Variants in KCNT2 observed in about 807,000 individuals in gnomAD.
The protein encoded by KCNT2 is potassium channel subfamily T member 2.
KCNT2 carries 67 observed loss-of-function variants against 153.8 expected under a neutral mutation model. The ratio of observed to expected loss-of-function variants is 0.44; its 90% CI spans 0.36 to 0.53. The LOEUF is 0.53. Ranked by LOEUF, KCNT2 falls within the 20% of genes least tolerant of loss-of-function variation. The pLI is 0.00. For synonymous variants in KCNT2, 500 were observed against 458.8 expected (o/e 1.09, Z -1.15); for missense variants, 975 against 1,354.8 (o/e 0.72, Z 4.40).
intron 10 of KCNT2, 142 bp from the exon 11 acceptor site, chr1:196,426,130 C>G (rs1247318632): frequency 2.2e-5 from 14 of 625,870 alleles, no homozygotes; most frequent in Non-Finnish European, 3.8e-5. Context: ...CATTTAAAAC[C>G]TGGACATATA....
intron 26 of KCNT2, among the ~76,000 whole-genome samples, chr1:196,252,503 A>C (rs1656066415): frequency 2.0e-5 from 3 of 151,790 alleles, no homozygotes; most frequent in Non-Finnish European, 4.4e-5. Context: ...ATGTAGTAGA[A>C]CAACCTTACT....
chr1:196,575,944 C>T (rs1235409474), intron 1 of KCNT2, among the ~76,000 whole-genome samples: 5 of 148,202 alleles, frequency 3.4e-5, no homozygotes, highest in Non-Finnish European at 7.4e-5. Context: ...TGCCACTGCA[C>T]TCCAGCCCAG....
chr1:196,252,177 T>C (rs765810506), intron 26 of KCNT2, among the ~76,000 whole-genome samples: 1 of 151,844 alleles, frequency 6.6e-6, no homozygotes, highest in Non-Finnish European at 1.5e-5. Context: ...TTCCATTTTA[T>C]TTGCACTATT....
intron 1 of KCNT2, among the ~76,000 whole-genome samples, chr1:196,577,755 G>C (rs1001896562): frequency 1.3e-5 from 2 of 152,006 alleles, no homozygotes; most frequent in African/African-American, 4.8e-5. Context: ...CATTGCTCTG[G>C]TACTGCCTAA....
intron 13 of KCNT2, among the ~76,000 whole-genome samples, chr1:196,385,918 C>T (rs188249005): frequency 2.0e-5 from 3 of 152,114 alleles, no homozygotes; most frequent in Admixed American, 1.3e-4. Context: ...TTCCCTCCTA[C>T]ATAGCAGAAT....
intron 1 of KCNT2, among the ~76,000 whole-genome samples, chr1:196,528,049 A>G (rs1654472133): frequency 1.3e-5 from 2 of 152,230 alleles, no homozygotes; most frequent in Admixed American, 1.3e-4. Flanking sequence ...AATCAGTGCT[A>G]TAGAACAATG....
At chr1:196,402,598 A>C (rs1432598039) in intron 12 of KCNT2, among the ~76,000 whole-genome samples, 1 of 151,630 alleles carries the variant, frequency 6.6e-6, no homozygotes, top group Non-Finnish European at 1.5e-5. Flanking sequence ...AAAATGTGGG[A>C]AAGGAAAAAC....
At chr1:196,320,707 T>C (rs554986039) in intron 19 of KCNT2, among the ~76,000 whole-genome samples, 6 of 147,998 alleles carry the variant, frequency 4.1e-5, no homozygotes, top group African/African-American at 1.5e-4. Flanking sequence ...CAGCAAAACA[T>C]TTAAAGAAAA....
intron 3 of KCNT2, among the ~76,000 whole-genome samples, chr1:196,485,845 G>T (rs964178285): frequency 1.3e-5 from 2 of 151,758 alleles, no homozygotes; most frequent in South Asian, 2.1e-4. Flanking sequence ...CTGCACATTC[G>T]TAGATAACCT....
intron 1 of KCNT2, among the ~76,000 whole-genome samples, chr1:196,501,220 G>T (rs1361175323): frequency 6.6e-6 from 1 of 152,132 alleles, no homozygotes; most frequent in Non-Finnish European, 1.5e-5. Context: ...CAAAGGGAAA[G>T]AAGTCATTTA....
At chr1:196,351,779 T>C (rs1666725408) in intron 14 of KCNT2, among the ~76,000 whole-genome samples, 1 of 152,212 alleles carries the variant, frequency 6.6e-6, no homozygotes, top group Admixed American at 6.5e-5. Context: ...CCCTGTCTTG[T>C]ACCAGTTTTC....
chr1:196,398,561 AC>A lies in KCNT2; in HGVS notation c.1294+1del. 6.5e-7 allele frequency: 1 copy of A among 1,542,284 alleles called. No homozygotes were observed. The highest frequency in any genetic ancestry group is 1.1e-5 in the South Asian group (1 of 89,120). Reference sequence around the variant, plus strand: ...TGGATCTCATGCAAGATAAAAACTTACCAGCAAATTTGATGTGAAATTTATT... The same window carrying A: ...TGGATCTCATGCAAGATAAAAACTTACAGCAAATTTGATGTGAAATTTATT... On this transcript the variant is annotated splice_donor_variant, in intron 13 of 27. Transcript: ENST00000294725. LOFTEE classifies it high-confidence loss of function.
At chr1:196,362,100 A>G (rs1281617758) in intron 14 of KCNT2, among the ~76,000 whole-genome samples, 1 of 152,054 alleles carries the variant, frequency 6.6e-6, no homozygotes, top group Admixed American at 6.6e-5. Context: ...TCATTTGAGC[A>G]TGCTCCCCCA....
intron 1 of KCNT2, among the ~76,000 whole-genome samples, chr1:196,502,131 A>G (rs1389301957): frequency 6.6e-6 from 1 of 152,216 alleles, no homozygotes; most frequent in East Asian, 1.9e-4. Context: ...ATAAATTAAA[A>G]AAAAGATAGT....
intron 14 of KCNT2, among the ~76,000 whole-genome samples, chr1:196,371,226 A>AT (rs1406843552): frequency 6.8e-6 from 1 of 146,516 alleles, no homozygotes; most frequent in East Asian, 2.0e-4. Flanking sequence ...ACTACAAAAA[A>AT]AAAAAAAAAA....
At chr1:196,530,980 A>G (rs1325802664) in intron 1 of KCNT2, among the ~76,000 whole-genome samples, 1 of 152,074 alleles carries the variant, frequency 6.6e-6, no homozygotes, top group Admixed American at 6.6e-5. Context: ...TTAGTTTCCG[A>G]TAAAACTTAG....
At chr1:196,467,288 C>T (rs1221778825) in intron 7 of KCNT2, among the ~76,000 whole-genome samples, 2 of 151,942 alleles carry the variant, frequency 1.3e-5, no homozygotes, top group African/African-American at 4.8e-5. Context: ...TTTTTCTTTA[C>T]CAGTCATAGG....
intron 13 of KCNT2, among the ~76,000 whole-genome samples, chr1:196,393,334 C>T (rs998057280): frequency 4.0e-5 from 6 of 151,408 alleles, no homozygotes; most frequent in South Asian, 2.1e-4. Flanking sequence ...TATTCACAGA[C>T]GACATAACAC....
intron 1 of KCNT2, among the ~76,000 whole-genome samples, chr1:196,526,821 G>C (rs1013094923): frequency 6.6e-6 from 1 of 152,010 alleles, no homozygotes; most frequent in African/African-American, 2.4e-5. Context: ...CACAAAGTCA[G>C]GGACTGTGTC....
Sources: gnomAD v4.1 joint callset for allele counts (sites outside exome capture counted in the v4.1 genomes callset) on GRCh38, gnomAD v4.1.1 for gene constraint, MANE v1.5 for transcripts, NCBI Gene and HGNC (gene_info 2026-07-23, HGNC 2026-07-21) for gene names.